Variants in MAP7 observed in about 807,000 individuals in gnomAD.
MAP7 encodes microtubule associated protein 7, also known as ensconsin.
In MAP7, 52 loss-of-function variants were observed where a neutral mutation model predicts 94.8. That is an observed-to-expected ratio of 0.55 (90% confidence interval 0.44 to 0.69). The LOEUF (loss-of-function observed/expected upper bound fraction) is 0.69. MAP7 is among the 30% of genes least tolerant of loss of function. MAP7 has a pLI of 0.00. For missense variants in MAP7, 940 were observed against 964.6 expected, an observed-to-expected ratio of 0.97 and a Z score of 0.34; for synonymous variants, 350 against 357.0, an observed-to-expected ratio of 0.98 and a Z score of 0.22.
At chr6:136,364,106 C>G in intron 10 of MAP7, 1 of 309,742 alleles carries the variant, frequency 3.2e-6, no homozygotes, top group Non-Finnish European at 6.3e-6. Flanking sequence ...CCTGGCAGTG[C>G]CAGCCCCACA....
intron 1 of MAP7, among the ~76,000 whole-genome samples, chr6:136,441,175 C>T (rs1797758072): frequency 6.6e-6 from 1 of 152,168 alleles, no homozygotes; most frequent in Admixed American, 6.5e-5. Context: ...ATCTCTTCCG[C>T]ATGCTGATTT....
At chr6:136,439,914 T>G (rs1797360816) in intron 1 of MAP7, among the ~76,000 whole-genome samples, 1 of 152,212 alleles carries the variant, frequency 6.6e-6, no homozygotes, top group Non-Finnish European at 1.5e-5. Context: ...GCCCACTTCA[T>G]GCCCGGTCTC....
intron 1 of MAP7, among the ~76,000 whole-genome samples, chr6:136,469,465 T>A (rs1258979475): frequency 6.6e-6 from 1 of 152,078 alleles, no homozygotes; most frequent in Non-Finnish European, 1.5e-5. Flanking sequence ...CACTGCAACC[T>A]CTGCCTCCTG....
chr6:136,472,864 A>T (rs976394580), intron 1 of MAP7, among the ~76,000 whole-genome samples: 5 of 152,136 alleles, frequency 3.3e-5, no homozygotes, highest in South Asian at 4.2e-4. Context: ...TAAAAAAATT[A>T]AAAAAACAGC....
In MAP7 at chr6:136,480,513, G is replaced by A. The variant is rs150150059; in HGVS notation, c.68-58714C>T. On this transcript the variant is annotated intron_variant, in intron 1 of 17. Coordinates refer to ENST00000354570, the MANE Select transcript of MAP7 (RefSeq NM_003980.6). Reference sequence around the variant, plus strand: ...AACAATTAGCTGGGCATGGTGGCGGGTGCCTGTAGTCCCAGCTACTCGGGA... The same window carrying A: ...AACAATTAGCTGGGCATGGTGGCGGATGCCTGTAGTCCCAGCTACTCGGGA... Among the ~76,000 whole-genome samples the A allele has an allele frequency of 0.012, 1,877 of 151,698 alleles. 83 individuals carry two copies. The East Asian group carries it at 0.14, about 11-fold the overall frequency.
At chr6:136,352,844 C>T (rs1270846803) in intron 16 of MAP7, among the ~76,000 whole-genome samples, 1 of 152,172 alleles carries the variant, frequency 6.6e-6, no homozygotes, top group African/African-American at 2.4e-5. Flanking sequence ...CAAAGAGCAG[C>T]TATAAGATAA....
At chr6:136,493,409 C>T (rs1817295478) in intron 1 of MAP7, among the ~76,000 whole-genome samples, 1 of 151,822 alleles carries the variant, frequency 6.6e-6, no homozygotes, top group Non-Finnish European at 1.5e-5. Context: ...AGCCATAAGC[C>T]ACCGCACCGG....
At chr6:136,402,764 G>A (rs1202096345) in intron 3 of MAP7, among the ~76,000 whole-genome samples, 2 of 151,740 alleles carry the variant, frequency 1.3e-5, no homozygotes, top group African/African-American at 2.4e-5. Context: ...AAATTAGCCG[G>A]GTGCGGTGGC....
intron 3 of MAP7, among the ~76,000 whole-genome samples, chr6:136,398,526 G>A (rs1582793513): frequency 2.0e-5 from 3 of 152,192 alleles, no homozygotes; most frequent in South Asian, 4.1e-4. Flanking sequence ...TGTTGTGGGA[G>A]GGACCCCGTG....
chr6:136,526,011 A>G, intron 1 of MAP7: 1 of 1,483,374 alleles, frequency 6.7e-7, no homozygotes. Context: ...TTATATTAAA[A>G]ATATATGCTT....
chr6:136,476,338 A>G (rs1008136987), intron 1 of MAP7, among the ~76,000 whole-genome samples: 1 of 152,186 alleles, frequency 6.6e-6, no homozygotes, highest in Non-Finnish European at 1.5e-5. Flanking sequence ...TTAAATTTAA[A>G]TTAATTAAAA....
chr6:136,378,741 C>T (rs951612745), intron 6 of MAP7, among the ~76,000 whole-genome samples: 5 of 152,170 alleles, frequency 3.3e-5, no homozygotes, highest in African/African-American at 9.7e-5. Context: ...AAATTAATTA[C>T]TTTGCTTATA....
intron 3 of MAP7, among the ~76,000 whole-genome samples, chr6:136,389,895 T>C (rs899466904): frequency 1.3e-5 from 2 of 152,176 alleles, no homozygotes; most frequent in African/African-American, 4.8e-5. Context: ...CTCCAGTCTA[T>C]GACTACATTT....
chr6:136,389,116 A>G (rs772545032), intron 4 of MAP7, among the ~76,000 whole-genome samples: 5 of 152,200 alleles, frequency 3.3e-5, no homozygotes, highest in Admixed American at 1.3e-4. Flanking sequence ...GCACTTCAAT[A>G]AGTTATAGGT....
At chr6:136,455,530 T>C (rs955593165) in intron 1 of MAP7, among the ~76,000 whole-genome samples, 2 of 152,144 alleles carry the variant, frequency 1.3e-5, no homozygotes, top group South Asian at 2.1e-4. Flanking sequence ...GCAGCAGAAG[T>C]GCTATGTTCC....
At chr6:136,539,672 C>T (rs973070347) in intron 1 of MAP7, among the ~76,000 whole-genome samples, 1 of 152,242 alleles carries the variant, frequency 6.6e-6, no homozygotes, top group East Asian at 1.9e-4. Flanking sequence ...GGAGCAGGCA[C>T]GAATGCAACT....
At chr6:136,357,493 C>T (rs1791359376) in intron 15 of MAP7, among the ~76,000 whole-genome samples, 1 of 152,118 alleles carries the variant, frequency 6.6e-6, no homozygotes. Context: ...CCCTCACCCC[C>T]TTGCCCCCTG....
At chr6:136,505,251 ATGTGTGTGTG>A (rs67294964) in intron 1 of MAP7, among the ~76,000 whole-genome samples, 2 of 87,470 alleles carry the variant, frequency 2.3e-5, no homozygotes, top group Admixed American at 1.3e-4. Context: ...TTTCCATGTA[ATGTGTGTGTG>A]TGTGTGTGTG....
chr6:136,510,949 G>C (rs986088960), intron 1 of MAP7, among the ~76,000 whole-genome samples: 13 of 151,968 alleles, frequency 8.6e-5, no homozygotes, highest in African/African-American at 3.1e-4. Flanking sequence ...GAAGTCTGTG[G>C]GTACCTAGGG....
Sources: gnomAD v4.1 joint callset for allele counts (sites outside exome capture counted in the v4.1 genomes callset) on GRCh38, gnomAD v4.1.1 for gene constraint, MANE v1.5 for transcripts, NCBI Gene and HGNC (gene_info 2026-07-23, HGNC 2026-07-21) for gene names.